The following NRG1 variants were observed in gnomAD, a reference collection of about 807,000 sequenced individuals.
The protein encoded by NRG1 is neuregulin 1, also known as pro-neuregulin-1, membrane-bound isoform.
A neutral mutation model predicts 63.8 loss-of-function variants in NRG1; 18 were observed. That is an observed-to-expected ratio of 0.28 (90% CI 0.19 to 0.42). NRG1 has a LOEUF of 0.42. NRG1 is among the 10% of genes least tolerant of loss of function. NRG1 has a pLI of 1.00. For missense variants in NRG1, 762 were observed against 814.7 expected (o/e 0.94, Z 0.79); for synonymous variants, 302 against 301.3 (o/e 1.00, Z -0.02).
chr8:32,013,814 G>A (rs1044773578), intron 1 of NRG1, among the ~76,000 whole-genome samples: 1 of 152,112 alleles, frequency 6.6e-6, no homozygotes, highest in African/African-American at 2.4e-5. Flanking sequence ...TGACATGATA[G>A]ACTAATCCTA....
At chr8:31,921,908 A>G (rs538956828) in intron 1 of NRG1, among the ~76,000 whole-genome samples, 2 of 152,092 alleles carry the variant, frequency 1.3e-5, no homozygotes, top group African/African-American at 4.8e-5. Flanking sequence ...GACTTTGTTA[A>G]TTTTCTTAAT....
At chr8:32,164,875 A>G (rs1839236955) in intron 1 of NRG1, among the ~76,000 whole-genome samples, 1 of 152,142 alleles carries the variant, frequency 6.6e-6, no homozygotes, top group Admixed American at 6.5e-5. Flanking sequence ...AGGTTATTAT[A>G]TCCTGTTGCC....
chr8:31,910,224 C>T (rs60933682), intron 1 of NRG1, among the ~76,000 whole-genome samples: 505 of 152,210 alleles, frequency 3.3e-3, no homozygotes, highest in African/African-American at 0.012. Context: ...AGCCATGAGG[C>T]GGGAAGAAGC....
chr8:31,789,965 CTAAT>C (rs1425687562), intron 1 of NRG1, among the ~76,000 whole-genome samples: 3 of 152,124 alleles, frequency 2.0e-5, no homozygotes, highest in Admixed American at 6.5e-5. Context: ...AGGGAATTAA[CTAAT>C]TACTGCTCAA....
chr8:31,691,580 G>A (rs1809517306), intron 1 of NRG1, among the ~76,000 whole-genome samples: 1 of 103,884 alleles, frequency 9.6e-6, no homozygotes. Flanking sequence ...GGGTGACAGA[G>A]TGAGACTCTG....
At chr8:32,194,840 G>A (rs115449790) in intron 1 of NRG1, among the ~76,000 whole-genome samples, 282 of 151,836 alleles carry the variant, frequency 1.9e-3, no homozygotes, top group African/African-American at 6.4e-3. Context: ...ATACCCAACC[G>A]ATGACTACTG....
chr8:31,817,323 C>A (rs1823553144), intron 1 of NRG1, among the ~76,000 whole-genome samples: 1 of 152,194 alleles, frequency 6.6e-6, no homozygotes, highest in Middle Eastern at 3.2e-3. Flanking sequence ...CTGGACCAGG[C>A]TTAGACATCA....
intron 1 of NRG1, among the ~76,000 whole-genome samples, chr8:32,476,738 A>G (rs1250882572): frequency 6.6e-6 from 1 of 152,160 alleles, no homozygotes; most frequent in Non-Finnish European, 1.5e-5. Context: ...GTAAATATTG[A>G]CAGTTACTTT....
chr8:32,215,083 G>T (rs1468886519), intron 1 of NRG1, among the ~76,000 whole-genome samples: 4 of 152,162 alleles, frequency 2.6e-5, no homozygotes, highest in Admixed American at 2.6e-4. Context: ...ATTTTTAGCA[G>T]AATTGTGTCC....
chr8:32,281,094 G>A (rs1186793619), intron 1 of NRG1, among the ~76,000 whole-genome samples: 1 of 151,484 alleles, frequency 6.6e-6, no homozygotes, highest in African/African-American at 2.4e-5. Flanking sequence ...TTTGTTACAT[G>A]GGTAAATTGC....
rs572943794 is a variant in NRG1 at position 32,693,624 on chromosome 8, G to T, written c.503-34325G>T. Among the ~76,000 whole-genome samples, 83 of 150,574 alleles carry T rather than the reference G, an allele frequency of 5.5e-4. 1 individual carries two copies. Among genetic ancestry groups the T allele is most frequent in the African/African-American group, 2.0e-3 (80 of 41,010 alleles). ...CTGGCATGTAGAGTGTAGAACAGAG[G>T]CTCCTCCTTTTTAGCCAGTCTCTAT... On this transcript the variant is annotated intron_variant, in intron 5 of 11. Coordinates refer to ENST00000356819, the Ensembl canonical transcript of NRG1.
intron 5 of NRG1, among the ~76,000 whole-genome samples, chr8:32,648,566 G>C (rs1452403580): frequency 6.6e-6 from 1 of 152,068 alleles, no homozygotes; most frequent in Admixed American, 6.6e-5. Flanking sequence ...TGCAAACTCC[G>C]GATCTGAACC....
intron 1 of NRG1, among the ~76,000 whole-genome samples, chr8:32,031,964 G>T (rs529511899): frequency 6.6e-6 from 1 of 152,150 alleles, no homozygotes; most frequent in South Asian, 2.1e-4. Context: ...TATATCTTGG[G>T]GGGTAGATAC....
intron 1 of NRG1, among the ~76,000 whole-genome samples, chr8:31,825,415 A>G (rs1222493565): frequency 7.9e-5 from 12 of 152,166 alleles, no homozygotes; most frequent in Non-Finnish European, 1.6e-4. Context: ...TTTTATACTT[A>G]AGTTTTTCTA....
At chr8:31,845,753 C>G (rs1347304367) in intron 1 of NRG1, among the ~76,000 whole-genome samples, 1 of 152,144 alleles carries the variant, frequency 6.6e-6, no homozygotes, top group East Asian at 1.9e-4. Context: ...CATTTTCTTA[C>G]TGAAGCTGAT....
chr8:32,072,800 T>C (rs1253867459), intron 1 of NRG1, among the ~76,000 whole-genome samples: 2 of 151,946 alleles, frequency 1.3e-5, no homozygotes, highest in Non-Finnish European at 2.9e-5. Flanking sequence ...AAACCAGGAG[T>C]TTACTGTTGA....
At position 32,520,508 on chromosome 8, in the gene NRG1, AG is replaced by A. The variant is rs554178930; in HGVS notation, c.38-75317del. The stretch of plus-strand genomic sequence containing the variant: ...ATGGGGATAAGAGTACTGATATCAC[AG>A]GGTGGTTGTGAAATTAAAATGAGAT... On this transcript the variant is annotated intron_variant, in intron 1 of 10. Transcript: ENST00000519301. Among the ~76,000 whole-genome samples the A allele has an allele frequency of 8.5e-4, 130 of 152,254 alleles. 1 individual carries two copies. The South Asian group carries it at 0.026, about 31-fold the overall frequency.
intron 1 of NRG1, among the ~76,000 whole-genome samples, chr8:31,795,451 A>T (rs1243942146): frequency 6.6e-6 from 1 of 152,224 alleles, no homozygotes; most frequent in Non-Finnish European, 1.5e-5. Context: ...CACAGCAATT[A>T]AGCAGATTTC....
intron 1 of NRG1, among the ~76,000 whole-genome samples, chr8:32,044,930 A>AAAAAAAAAAAAAAAAAAAAAAAAAC (rs1554610208): frequency 3.6e-5 from 5 of 137,030 alleles, no homozygotes; most frequent in African/African-American, 2.8e-5. Context: ...AAAAAAAAAA[A>AAAAAAAAAAAAAAAAAAAAAAAAAC]ACACACACAC....
Sources: gnomAD v4.1 joint callset for allele counts (sites outside exome capture counted in the v4.1 genomes callset) on GRCh38, gnomAD v4.1.1 for gene constraint, MANE v1.5 for transcripts, NCBI Gene and HGNC (gene_info 2026-07-23, HGNC 2026-07-21) for gene names.